The following COL9A3 variants were observed in gnomAD, a reference collection of about 807,000 sequenced individuals.
COL9A3 encodes the protein collagen alpha-3(IX) chain.
Under a neutral mutation model 110.2 loss-of-function variants are expected in COL9A3, and 82 were observed. That is an observed-to-expected ratio of 0.74 (90% CI 0.62 to 0.89). The LOEUF (loss-of-function observed/expected upper bound fraction) is 0.89, where lower values mean the gene tolerates loss of function less well. COL9A3 is among the 40% of genes least tolerant of loss of function. The pLI is 0.00. For missense variants in COL9A3, 1,066 were observed against 981.3 expected, an observed-to-expected ratio of 1.09 and a Z score of -1.15; for synonymous variants, 494 against 403.8, an observed-to-expected ratio of 1.22 and a Z score of -2.68.
chr20:62,817,184 C>A, intron 1 of COL9A3, 42 bp downstream of exon 1: 1 of 1,321,666 alleles, frequency 7.6e-7, no homozygotes, highest in Non-Finnish European at 9.8e-7. Flanking sequence ...CGTGGAGCCG[C>A]GACCGCCCCA....
chr20:62,838,621 AC>A, intron 30 of COL9A3, 62 bp from the exon 31 acceptor site: 1 of 1,420,592 alleles, frequency 7.0e-7, no homozygotes, highest in Non-Finnish European at 9.7e-7. Context: ...TTGATCAGAC[AC>A]CGCTGTGGTG....
In COL9A3 at chr20:62,817,138, C is replaced by T. The variant is rs1263866419; in HGVS notation, c.74C>T (p.Ala25Val). Residue 25 changes from alanine to valine, a missense_variant, in exon 1 of 32, where the codon GCG (alanine) becomes GTG (valine). Physicochemically the swap from Ala to Val is moderately conservative, Grantham distance 64. Transcript: ENST00000649368. ...GGGGAGCTTCTGGCGGCCGCCGGGG[C>T]GCAGGTGAGCGCGAGCTCCGGGCTC... ...LLGELLAAAGAQRVGLPGPPG... is the reference protein window; with the variant it reads ...LLGELLAAAGVQRVGLPGPPG... The T allele has an allele frequency of 7.2e-7, 1 of 1,393,874 alleles. No homozygotes were observed. Among genetic ancestry groups the T allele is most frequent in the Non-Finnish European group, 9.4e-7 (1 of 1,068,214 alleles). 86.3% of individuals were successfully genotyped at this position (1,393,874 alleles called of 1,614,324 possible).
rs572137824 is a variant in COL9A3, at chr20:62,819,389, C to T, written c.255+96C>T. The T allele has an allele frequency of 2.7e-5, 33 of 1,238,142 alleles. 1 individual carries two copies. In the African/African-American group the frequency reaches 4.1e-4, roughly 15 times the overall value. 76.7% of individuals were successfully genotyped at this position (1,238,142 alleles called of 1,614,324 possible). A position where few individuals can be genotyped will look rare whatever the true frequency, so the allele number is the denominator to read the frequency against. ...TTGCTGTTGTCCAGCTGGGCCTGCT[C>T]AGGCGGGAAGCCCAGTCCTGAGAGA... On this transcript the variant is annotated intron_variant, in intron 4 of 31. Coordinates refer to ENST00000649368, the MANE Select transcript of COL9A3 (RefSeq NM_001853.4).
At chr20:62,836,066 A>G in intron 27 of COL9A3, 113 bp downstream of exon 27, 3 of 1,606,728 alleles carry the variant, frequency 1.9e-6, no homozygotes, top group Non-Finnish European at 2.6e-6. Flanking sequence ...CCGAGATGTA[A>G]AAAAGCTTGC....
intron 3 of COL9A3, among the ~76,000 whole-genome samples, chr20:62,818,825 A>G (rs1991022706): frequency 6.6e-6 from 1 of 152,198 alleles, no homozygotes; most frequent in Non-Finnish European, 1.5e-5. Flanking sequence ...ACAGCCCTTC[A>G]GGTCCCCCAG....
At chr20:62,827,410 G>A in intron 16 of COL9A3, 116 bp downstream of exon 16, 1 of 1,112,474 alleles carries the variant, frequency 9.0e-7, no homozygotes, top group Non-Finnish European at 1.3e-6. Context: ...GGGCTGCCTG[G>A]GTGGGCCTGG....
intron 12 of COL9A3, 85 bp downstream of exon 12, chr20:62,825,106 A>AGGGGCTGGGCTCCGGCGGTG: frequency 6.2e-6 from 1 of 162,498 alleles, no homozygotes; most frequent in Admixed American, 5.6e-5. Flanking sequence ...CTCCGGCGGG[A>AGGGGCTGGGCTCCGGCGGTG]GGGAGGGGCT....
chr20:62,826,691 G>A (rs1031925164), intron 14 of COL9A3, 76 bp from the exon 15 acceptor site: 113 of 1,522,788 alleles, frequency 7.4e-5, no homozygotes, highest in Non-Finnish European at 8.2e-5. Context: ...TGTCTGGGCC[G>A]CCCCTGAGGG....
chr20:62,840,446 C>T, intron 31 of COL9A3, 96 bp from the exon 32 acceptor site: 2 of 1,140,880 alleles, frequency 1.8e-6, no homozygotes, highest in Non-Finnish European at 2.7e-6. Context: ...GAAGAGTGAG[C>T]AGATGGAAGA....
rs369294004 is a variant in COL9A3, at chr20:62,835,647, A to G, written c.1369-274A>G. On this transcript the variant is annotated intron_variant, in intron 26 of 31. Transcript: ENST00000649368. ...TTAGGCGTGTTAGTAAGAAAAAGGAATGGAAGCAAAGTAAGCGTGTGTAAG... is the reference window on the plus strand; with the variant it reads ...TTAGGCGTGTTAGTAAGAAAAAGGAGTGGAAGCAAAGTAAGCGTGTGTAAG... Among the ~76,000 whole-genome samples the G allele has an allele frequency of 2.6e-5, 4 of 152,330 alleles. No individual in the cohort carries two copies. The East Asian group carries it at 7.7e-4, about 29-fold the overall frequency.
chr20:62,825,202 G>GGGCTCCGGCGGGA, intron 12 of COL9A3, among the ~76,000 whole-genome samples, 181 bp downstream of exon 12: 1 of 147,772 alleles, frequency 6.8e-6, no homozygotes, highest in African/African-American at 2.5e-5. Flanking sequence ...CTCCGGCGGT[G>GGGCTCCGGCGGGA]GGGAGGGACC....
chr20:62,833,262 C>T (rs1396230135), intron 26 of COL9A3, among the ~76,000 whole-genome samples, 198 bp downstream of exon 26: 1 of 152,226 alleles, frequency 6.6e-6, no homozygotes, highest in Non-Finnish European at 1.5e-5. Flanking sequence ...TGGGCAGGGC[C>T]TGGCAGGGAA....
At position 62,840,784 on chromosome 20, in the gene COL9A3, T is replaced by C. The variant is rs2063672400; in HGVS notation, c.*52T>C. On this transcript the variant is annotated 3_prime_UTR_variant, in exon 32 of 32. Coordinates refer to ENST00000649368, the MANE Select transcript of COL9A3 (RefSeq NM_001853.4). ...AGGACGCCCGAAGCACAGTGGACGG[T>C]CATGAAGGAGCGGGGGTGTGGCAGG... is the stretch of plus-strand genomic sequence containing the variant. 5.2e-6 allele frequency: 8 copies of C among 1,544,876 alleles called. No individual in the cohort carries two copies. The highest frequency in any genetic ancestry group is 1.7e-4 in the Middle Eastern group (1 of 5,980).
chr20:62,833,801 G>A (rs780814136), intron 26 of COL9A3, among the ~76,000 whole-genome samples: 1 of 151,754 alleles, frequency 6.6e-6, no homozygotes, highest in African/African-American at 2.4e-5. Context: ...GGGTTCAAGC[G>A]ATTTTCCTGC....
intron 26 of COL9A3, among the ~76,000 whole-genome samples, chr20:62,834,738 G>C (rs958568474): frequency 6.6e-6 from 1 of 152,044 alleles, no homozygotes; most frequent in Non-Finnish European, 1.5e-5. Flanking sequence ...TGCCTCCTGC[G>C]TTCAAGCGAT....
chr20:62,840,374 C>T (rs1008541264), intron 31 of COL9A3, among the ~76,000 whole-genome samples, 168 bp from the exon 32 acceptor site: 3 of 132,068 alleles, frequency 2.3e-5, no homozygotes, highest in African/African-American at 3.5e-5. Flanking sequence ...CCGCCAGCCC[C>T]GCGGAGAGCC....
At chr20:62,825,675 C>T (rs2063546615) in intron 12 of COL9A3, 142 bp from the exon 13 acceptor site, 2 of 826,332 alleles carry the variant, frequency 2.4e-6, no homozygotes, top group African/African-American at 1.7e-5. Flanking sequence ...GGGCAAGTGT[C>T]CCCTTCACAG....
At chr20:62,835,414 C>T (rs1047793720) in intron 26 of COL9A3, among the ~76,000 whole-genome samples, 1 of 152,224 alleles carries the variant, frequency 6.6e-6, no homozygotes, top group Non-Finnish European at 1.5e-5. Context: ...GCGGAGACAA[C>T]GGTGTTAGTT....
In COL9A3 at chr20:62,836,087, G is replaced by T. The variant is rs2063632470; in HGVS notation, c.1402-100G>T. The T allele has an allele frequency of 7.5e-6, 12 of 1,604,408 alleles. No homozygotes were observed. The East Asian group carries it at 2.2e-4, about 30-fold the overall frequency. On this transcript the variant is annotated intron_variant, in intron 27 of 31. Transcript: ENST00000649368. Reference sequence around the variant, plus strand: ...TGTAAAAAAGCTTGCTCTGGTCAAGGCTGGGCAAGACGGCTCCGTGCCGGC... The same window carrying T: ...TGTAAAAAAGCTTGCTCTGGTCAAGTCTGGGCAAGACGGCTCCGTGCCGGC...
Sources: gnomAD v4.1 joint callset for allele counts (sites outside exome capture counted in the v4.1 genomes callset) on GRCh38, gnomAD v4.1.1 for gene constraint, MANE v1.5 for transcripts, NCBI Gene and HGNC (gene_info 2026-07-23, HGNC 2026-07-21) for gene names.